The following CLEC19A variants were observed in gnomAD, a reference collection of about 807,000 sequenced individuals.
The protein encoded by CLEC19A is C-type lectin domain containing 19A.
CLEC19A carries 21 observed loss-of-function variants against 26.1 expected under a neutral mutation model. That is an observed-to-expected ratio of 0.80 (90% CI 0.57 to 1.16). The LOEUF (loss-of-function observed/expected upper bound fraction) is 1.16, where lower values mean the gene tolerates loss of function less well. CLEC19A is among the 50% of genes most tolerant of loss of function. The pLI is 0.00. For missense variants in CLEC19A, 224 were observed against 227.6 expected (o/e 0.98, Z 0.10); for synonymous variants, 89 against 88.6 (o/e 1.00, Z -0.03).
At position 19,301,756 on chromosome 16, in the gene CLEC19A, T is replaced by TG. The variant is rs201294340; in HGVS notation, c.255-2306_255-2305insG. On this transcript the variant is annotated intron_variant, in intron 2 of 4. Coordinates refer to ENST00000636231, the MANE Select transcript of CLEC19A (RefSeq NM_001256720.2). ...TTTTGGTTTTTTTTTTTTTTTTTTT[T>TG]TTTTTTTTGTATTTTTAGCAGAGAC... is the stretch of plus-strand genomic sequence containing the variant. 6.9e-4 allele frequency among the ~76,000 whole-genome samples: 92 copies of TG among 132,536 alleles called. 2 individuals carry two copies. The highest frequency in any genetic ancestry group is 7.5e-4 in the Non-Finnish European group (47 of 62,734). The allele number at this position is 132,536 out of a possible 152,430, so 86.9% of individuals were successfully genotyped here.
intron 1 of CLEC19A, 90 bp downstream of exon 1, chr16:19,286,029 G>T: frequency 7.5e-7 from 1 of 1,324,894 alleles, no homozygotes; most frequent in Non-Finnish European, 1.1e-6. Context: ...GCTTCTGTTG[G>T]GGGGTTGGGG....
At position 19,299,231 on chromosome 16, in the gene CLEC19A, GA is replaced by G. The variant is rs1203531937; in HGVS notation, c.254+394del. ...CTGCTCTGTATCCTGTGATACAACT[GA>G]TACACTACATATATAAAGAATATGA... On this transcript the variant is annotated intron_variant, in intron 2 of 4. Coordinates refer to ENST00000636231, the MANE Select transcript of CLEC19A (RefSeq NM_001256720.2). Among the ~76,000 whole-genome samples, 3 of 152,168 alleles carry G rather than the reference GA, an allele frequency of 2.0e-5. No individual in the cohort carries two copies. In the East Asian group the frequency reaches 5.8e-4, roughly 29 times the overall value.
chr16:19,293,042 A>G (rs1897623226), intron 1 of CLEC19A, among the ~76,000 whole-genome samples: 1 of 152,250 alleles, frequency 6.6e-6, no homozygotes, highest in Non-Finnish European at 1.5e-5. Flanking sequence ...AGAATGCAGA[A>G]GGGGAAGAAA....
chr16:19,294,442 G>A (rs1897661943), intron 1 of CLEC19A, among the ~76,000 whole-genome samples: 1 of 152,250 alleles, frequency 6.6e-6, no homozygotes, highest in South Asian at 2.1e-4. Flanking sequence ...CCCACGTGGG[G>A]TAGGAGGGGA....
intron 3 of CLEC19A, among the ~76,000 whole-genome samples, chr16:19,306,836 G>GTC (rs1166932590): frequency 4.6e-5 from 7 of 152,132 alleles, no homozygotes; most frequent in Non-Finnish European, 1.0e-4. Flanking sequence ...TCAAGCTCTA[G>GTC]TCTCTCTCTC....
At chr16:19,290,734 T>C (rs1897566048) in intron 1 of CLEC19A, among the ~76,000 whole-genome samples, 1 of 152,220 alleles carries the variant, frequency 6.6e-6, no homozygotes, top group South Asian at 2.1e-4. Context: ...AACAGCCAGT[T>C]TCTAAAATAA....
Position 19,285,889 on chromosome 16 carries a change from C to A in CLEC19A, c.38C>A (p.Thr13Asn), listed in dbSNP as rs1567250183. The A allele has an allele frequency of 2.6e-6, 4 of 1,550,554 alleles. No individual in the cohort carries two copies. Among genetic ancestry groups the A allele is most frequent in the Non-Finnish European group, 2.6e-6 (3 of 1,146,992 alleles). The change falls in exon 1 of 5, where the codon ACC becomes AAC. Residue 13 changes from threonine (T) to asparagine (N), a missense_variant. Coordinates refer to ENST00000636231, the MANE Select transcript of CLEC19A (RefSeq NM_001256720.2). ...ACACTGTGGGCTGCAGCCTTCCTGA[C>A]CCTCCACTCTGCACAGGCCTTTCCA... is the stretch of plus-strand genomic sequence containing the variant. ...RWTLWAAAFL[T>N]LHSAQAFPQT...
chr16:19,305,183 G>A (rs1597088846), intron 3 of CLEC19A: 1 of 152,290 alleles, frequency 6.6e-6, no homozygotes, highest in East Asian at 1.9e-4. Flanking sequence ...AAGGCGATCT[G>A]GGTAATGTAC....
intron 2 of CLEC19A, among the ~76,000 whole-genome samples, chr16:19,302,510 A>G (rs1330387995): frequency 6.6e-6 from 1 of 152,224 alleles, no homozygotes; most frequent in South Asian, 2.1e-4. Flanking sequence ...CAAAAGGTAC[A>G]TCGACATGGC....
intron 1 of CLEC19A, among the ~76,000 whole-genome samples, chr16:19,288,808 G>A (rs1432733842): frequency 1.3e-5 from 2 of 152,114 alleles, no homozygotes; most frequent in African/African-American, 4.8e-5. Context: ...CTATAGCAAA[G>A]GAAATTTATA....
At chr16:19,304,424 C>T (rs922514809) in intron 3 of CLEC19A, 28 of 311,088 alleles carry the variant, frequency 9.0e-5, no homozygotes, top group African/African-American at 3.3e-4. Context: ...GACACTAGGC[C>T]GGGTGTGGAG....
intron 1 of CLEC19A, among the ~76,000 whole-genome samples, chr16:19,293,547 T>C (rs1754484302): frequency 1.3e-5 from 2 of 152,018 alleles, no homozygotes; most frequent in African/African-American, 4.8e-5. Flanking sequence ...ACTGAAGTCT[T>C]GACCTCTTGG....
chr16:19,294,954 G>C (rs1210151870), intron 1 of CLEC19A, among the ~76,000 whole-genome samples: 1 of 152,134 alleles, frequency 6.6e-6, no homozygotes, highest in Non-Finnish European at 1.5e-5. Flanking sequence ...GACATTTCGG[G>C]TCGGATGATT....
intron 2 of CLEC19A, among the ~76,000 whole-genome samples, chr16:19,301,748 T>TTG (rs1270023157): frequency 0.01 from 1,221 of 121,640 alleles, 55 homozygotes; most frequent in African/African-American, 0.04. Flanking sequence ...TTTTTTTTTT[T>TTG]TTTTTTTTTT....
chr16:19,307,081 G>A (rs1027209825), intron 3 of CLEC19A, among the ~76,000 whole-genome samples: 17 of 152,086 alleles, frequency 1.1e-4, no homozygotes, highest in Admixed American at 2.0e-4. Context: ...AGAAAAACAC[G>A]GACTATTTAG....
At chr16:19,301,735 G>GTTTT (rs750529291) in intron 2 of CLEC19A, among the ~76,000 whole-genome samples, 824 of 35,032 alleles carry the variant, frequency 0.024, 34 homozygotes, top group Middle Eastern at 0.058. Flanking sequence ...AGGTTTTTTT[G>GTTTT]GTTTTTTTTT....
At chr16:19,305,119 G>A (rs1269523901) in intron 3 of CLEC19A, 2 of 152,450 alleles carry the variant, frequency 1.3e-5, no homozygotes, top group East Asian at 1.9e-4. Context: ...AATCCAAGGC[G>A]GCAGGAGACC....
At chr16:19,301,781 C>T (rs1416396760) in intron 2 of CLEC19A, among the ~76,000 whole-genome samples, 5 of 107,194 alleles carry the variant, frequency 4.7e-5, no homozygotes, top group Admixed American at 2.5e-4. Context: ...TTAGCAGAGA[C>T]GGAGTTTCAC....
rs1373897078 is a variant in CLEC19A, at chr16:19,304,148, A to G, written c.341A>G (p.His114Arg). The G allele has an allele frequency of 1.3e-6, 2 of 1,550,592 alleles. No homozygotes were observed. Among genetic ancestry groups the G allele is most frequent in the African/African-American group, 2.7e-5 (2 of 73,176 alleles). ...GACGTCTGGACAGGCCTTCATGATC[A>G]CAGACAGGTGAGAAAGCAGTGGCCA... is the stretch of plus-strand genomic sequence containing the variant. ...PADVWTGLHDHRQEGQFEWTD... is the reference protein window; with the variant it reads ...PADVWTGLHDRRQEGQFEWTD... Residue 114 changes from histidine (H) to arginine (R), a missense_variant, in exon 3 of 5, where the codon CAC becomes CGC. His to Arg is a conservative substitution (Grantham distance 29, BLOSUM62 0). Transcript: ENST00000636231.
Sources: gnomAD v4.1 joint callset for allele counts (sites outside exome capture counted in the v4.1 genomes callset) on GRCh38, gnomAD v4.1.1 for gene constraint, MANE v1.5 for transcripts, NCBI Gene and HGNC (gene_info 2026-07-23, HGNC 2026-07-21) for gene names.